The following PXDNL variants were observed in gnomAD, a reference collection of about 807,000 sequenced individuals.
PXDNL encodes peroxidasin like.
PXDNL carries 145 observed loss-of-function variants against 150.8 expected under a neutral mutation model. The observed-to-expected ratio is 0.96, with a 90% confidence interval of 0.84 to 1.10. The LOEUF is 1.10. Ranked by LOEUF, PXDNL falls within the 50% of genes least tolerant of loss-of-function variation. The probability of loss-of-function intolerance (pLI) is 0.00; values close to 1 mark genes in which losing one functional copy is unlikely to be tolerated. For missense variants in PXDNL, 2,087 were observed against 1,873.9 expected, an observed-to-expected ratio of 1.11 and a Z score of -2.10; for synonymous variants, 757 against 725.7, an observed-to-expected ratio of 1.04 and a Z score of -0.69.
At chr8:51,523,204 G>C (rs1387162570) in intron 4 of PXDNL, among the ~76,000 whole-genome samples, 1 of 152,174 alleles carries the variant, frequency 6.6e-6, no homozygotes, top group Non-Finnish European at 1.5e-5. Flanking sequence ...AGTCGATTAA[G>C]ATAGTAGGAT....
chr8:51,584,947 T>C (rs1043124122), intron 3 of PXDNL, among the ~76,000 whole-genome samples: 5 of 152,024 alleles, frequency 3.3e-5, no homozygotes, highest in South Asian at 2.1e-4. Context: ...ATATGGAAGA[T>C]AGAAGGTAAG....
chr8:51,708,760 C>A (rs544813058), intron 1 of PXDNL, among the ~76,000 whole-genome samples: 1 of 152,144 alleles, frequency 6.6e-6, no homozygotes, highest in East Asian at 1.9e-4. Context: ...TCAATTTATA[C>A]CAAACAAAAT....
intron 10 of PXDNL, among the ~76,000 whole-genome samples, chr8:51,449,419 G>C (rs184232621): frequency 6.6e-6 from 1 of 152,274 alleles, no homozygotes; most frequent in East Asian, 1.9e-4. Context: ...CATTTTAGTA[G>C]ATGTGATAAA....
At chr8:51,596,997 G>A (rs1813585055) in intron 2 of PXDNL, among the ~76,000 whole-genome samples, 1 of 152,086 alleles carries the variant, frequency 6.6e-6, no homozygotes, top group Non-Finnish European at 1.5e-5. Flanking sequence ...ATGCCCAGAT[G>A]GTATTTCGTA....
chr8:51,673,236 G>A (rs11990577), intron 1 of PXDNL, among the ~76,000 whole-genome samples: 8,800 of 152,134 alleles, frequency 0.058, 382 homozygotes, highest in African/African-American at 0.12. Context: ...TGAAAATAGC[G>A]TATCAAGCCA....
intron 2 of PXDNL, among the ~76,000 whole-genome samples, chr8:51,653,360 G>C (rs1431917680): frequency 6.6e-6 from 1 of 152,186 alleles, no homozygotes; most frequent in Non-Finnish European, 1.5e-5. Flanking sequence ...ACAGGTTGCA[G>C]TGAGCCGAGA....
intron 1 of PXDNL, among the ~76,000 whole-genome samples, chr8:51,660,180 G>C (rs997547386): frequency 8.9e-6 from 1 of 112,226 alleles, no homozygotes; most frequent in African/African-American, 3.0e-5. Context: ...ATGAGCCACC[G>C]CGCCCAGCCC....
intron 4 of PXDNL, among the ~76,000 whole-genome samples, chr8:51,553,771 T>TATATATATATATATATATACAC (rs1236843720): frequency 1.8e-3 from 113 of 63,638 alleles, no homozygotes; most frequent in African/African-American, 8.4e-3. Context: ...TATATATATA[T>TATATATATATATATATATACAC]ACACACACTG....
intron 4 of PXDNL, among the ~76,000 whole-genome samples, chr8:51,500,500 C>T (rs1331144561): frequency 6.6e-6 from 1 of 152,210 alleles, no homozygotes; most frequent in African/African-American, 2.4e-5. Flanking sequence ...GTTGAGCAGA[C>T]CTTTGTGAAG....
chr8:51,631,850 C>T (rs1033688825), intron 2 of PXDNL, among the ~76,000 whole-genome samples: 1 of 151,950 alleles, frequency 6.6e-6, no homozygotes, highest in Non-Finnish European at 1.5e-5. Flanking sequence ...CCTCGTGTCT[C>T]ATTTCTCAAG....
chr8:51,721,617 A>G (rs1816731286), intron 1 of PXDNL: 1 of 350,268 alleles, frequency 2.9e-6, no homozygotes, highest in South Asian at 2.5e-5. Flanking sequence ...CATGTACCCT[A>G]AAACTTAAAG....
intron 1 of PXDNL, among the ~76,000 whole-genome samples, chr8:51,773,467 G>C (rs1024999288): frequency 6.6e-6 from 1 of 152,166 alleles, no homozygotes; most frequent in Non-Finnish European, 1.5e-5. Flanking sequence ...CTAATGAGCA[G>C]GGAGGGACAT....
At chr8:51,352,755 T>C (rs2915465) in intron 19 of PXDNL, among the ~76,000 whole-genome samples, 98,709 of 152,054 alleles carry the variant, frequency 0.65, 34,834 homozygotes, top group East Asian at 0.94. Context: ...ACTAATACAA[T>C]GGAATAATAC....
intron 4 of PXDNL, among the ~76,000 whole-genome samples, chr8:51,506,643 A>T (rs1175810133): frequency 6.6e-6 from 1 of 150,556 alleles, no homozygotes; most frequent in Admixed American, 6.6e-5. Context: ...AATCTTTCTC[A>T]CTCTTTGTTC....
chr8:51,607,902 G>GA (rs1813875918), intron 2 of PXDNL, among the ~76,000 whole-genome samples: 1 of 107,880 alleles, frequency 9.3e-6, no homozygotes, highest in African/African-American at 5.0e-5. Context: ...GGAAGGTGGG[G>GA]AGGGAGGGAG....
In PXDNL at chr8:51,423,567, A is replaced by G; in HGVS notation, c.1795+8T>C. 1 of 1,612,318 alleles carries G rather than the reference A, an allele frequency of 6.2e-7. No homozygotes were observed. The highest frequency in any genetic ancestry group is 8.5e-7 in the Non-Finnish European group (1 of 1,178,966). On this transcript the variant is annotated splice_region_variant and intron_variant, in intron 14 of 22. Coordinates refer to ENST00000356297, the MANE Select transcript of PXDNL (RefSeq NM_144651.5). ...TTGGATGTTGTAAATGGAGCTATAGACACCTACCCGTGACTGTAAGAAACA... is the reference window on the plus strand; with the variant it reads ...TTGGATGTTGTAAATGGAGCTATAGGCACCTACCCGTGACTGTAAGAAACA...
rs533219428 is a variant in PXDNL at position 51,605,368 on chromosome 8, C to T, written c.237-12670G>A. On this transcript the variant is annotated intron_variant, in intron 2 of 22. Coordinates refer to ENST00000356297, the MANE Select transcript of PXDNL (RefSeq NM_144651.5). ...TTCCTGGTCTTTCTTCCAGGTTTGG[C>T]GATATGACTATTTGTTGCCAGTGGG... 2.0e-4 allele frequency among the ~76,000 whole-genome samples: 31 copies of T among 151,906 alleles called. No homozygotes were observed. The South Asian group carries it at 5.4e-3, about 26-fold the overall frequency.
chr8:51,422,316 C>A (rs1808976086), intron 14 of PXDNL, among the ~76,000 whole-genome samples: 1 of 152,064 alleles, frequency 6.6e-6, no homozygotes, highest in Non-Finnish European at 1.5e-5. Context: ...CATCTCCCCA[C>A]CCCGGTCAGT....
chr8:51,375,950 A>G (rs982220749), intron 17 of PXDNL, among the ~76,000 whole-genome samples: 1 of 152,232 alleles, frequency 6.6e-6, no homozygotes, highest in Non-Finnish European at 1.5e-5. Flanking sequence ...AAATTAGAAA[A>G]GTAGGTCAGA....
Sources: allele counts gnomAD v4.1 joint callset (sites outside exome capture counted in the v4.1 genomes callset), GRCh38; gene constraint gnomAD v4.1.1; transcripts MANE v1.5; gene names NCBI Gene and HGNC (gene_info 2026-07-23, HGNC 2026-07-21).